PKNOX2: variants seen among roughly 807,000 people sequenced by gnomAD.
PKNOX2 encodes PBX/knotted 1 homeobox 2.
Under a neutral mutation model 53.1 loss-of-function variants are expected in PKNOX2, and 14 were observed. The observed-to-expected ratio is 0.26, with a 90% CI of 0.17 to 0.41. PKNOX2 has a LOEUF of 0.41. Among genes scored for constraint, PKNOX2 ranks in the 10% least tolerant of loss-of-function variants. PKNOX2 has a pLI of 1.00. For synonymous variants in PKNOX2, 257 were observed against 242.8 expected (o/e 1.06, Z -0.54); for missense variants, 496 against 602.8 (o/e 0.82, Z 1.85).
chr11:125,309,212 T>TCCTTCC (rs1364500581), intron 2 of PKNOX2, among the ~76,000 whole-genome samples: 2 of 148,848 alleles, frequency 1.3e-5, no homozygotes, highest in African/African-American at 5.0e-5. Context: ...CTTCCTTCCT[T>TCCTTCC]TCTCTCTCTC....
intron 2 of PKNOX2, among the ~76,000 whole-genome samples, chr11:125,293,150 C>A (rs556682154): frequency 6.6e-6 from 1 of 151,898 alleles, no homozygotes; most frequent in African/African-American, 2.4e-5. Context: ...GTGGGGTGGA[C>A]GAATGGGGGA....
intron 7 of PKNOX2, 76 bp from the exon 8 acceptor site, chr11:125,410,120 A>G: frequency 6.5e-7 from 1 of 1,547,040 alleles, no homozygotes; most frequent in South Asian, 1.2e-5. Context: ...AGGGGAAAGG[A>G]CGGAAGAGGA....
chr11:125,340,024 G>A (rs757058284), intron 3 of PKNOX2, among the ~76,000 whole-genome samples: 4 of 152,090 alleles, frequency 2.6e-5, no homozygotes, highest in Non-Finnish European at 2.9e-5. Flanking sequence ...ACTTCTTATC[G>A]CTGGGATCAG....
chr11:125,186,186 T>C (rs1956439183), intron 1 of PKNOX2, among the ~76,000 whole-genome samples: 1 of 152,228 alleles, frequency 6.6e-6, no homozygotes, highest in Non-Finnish European at 1.5e-5. Context: ...CATTTGTATA[T>C]CTTTTTTGGA....
chr11:125,386,929 C>T (rs903182862), intron 6 of PKNOX2, among the ~76,000 whole-genome samples: 1 of 152,144 alleles, frequency 6.6e-6, no homozygotes, highest in African/African-American at 2.4e-5. Flanking sequence ...GTTTGAAGAG[C>T]AGAGGAGGCC....
At chr11:125,198,609 A>C (rs1476110588) in intron 1 of PKNOX2, among the ~76,000 whole-genome samples, 1 of 152,262 alleles carries the variant, frequency 6.6e-6, no homozygotes, top group East Asian at 1.9e-4. Context: ...GCTCATTCTT[A>C]CGTACACTTC....
chr11:125,183,831 A>T (rs533170632), intron 1 of PKNOX2, among the ~76,000 whole-genome samples: 1 of 152,274 alleles, frequency 6.6e-6, no homozygotes, highest in African/African-American at 2.4e-5. Context: ...TGCTCAATGA[A>T]TGGAGTGTTC....
intron 2 of PKNOX2, among the ~76,000 whole-genome samples, chr11:125,314,571 G>T (rs1028201288): frequency 3.9e-5 from 6 of 152,150 alleles, no homozygotes; most frequent in African/African-American, 1.4e-4. Flanking sequence ...TGCAGTCAGT[G>T]GGGAGGGGAC....
At chr11:125,291,703 T>C (rs1947313463) in intron 2 of PKNOX2, among the ~76,000 whole-genome samples, 1 of 152,240 alleles carries the variant, frequency 6.6e-6, no homozygotes, top group Admixed American at 6.5e-5. Flanking sequence ...AAATGAGGTC[T>C]ATCCATACAG....
intron 3 of PKNOX2, among the ~76,000 whole-genome samples, chr11:125,338,696 C>T (rs945043982): frequency 1.3e-5 from 2 of 152,184 alleles, no homozygotes; most frequent in Admixed American, 6.5e-5. Context: ...GATTAGTAAC[C>T]GTTCTAAGCA....
intron 9 of PKNOX2, 22 bp downstream of exon 9, chr11:125,410,898 C>T: frequency 1.9e-6 from 3 of 1,599,590 alleles, no homozygotes; most frequent in Non-Finnish European, 2.6e-6. Context: ...TAGGTGTGTG[C>T]ACATGTGCAT....
At chr11:125,196,950 C>T (rs1350761539) in intron 1 of PKNOX2, among the ~76,000 whole-genome samples, 1 of 152,190 alleles carries the variant, frequency 6.6e-6, no homozygotes, top group East Asian at 1.9e-4. Context: ...TCCCTGGGAT[C>T]ACTGGATTTT....
chr11:125,214,523 G>A (rs1246024554), intron 1 of PKNOX2, among the ~76,000 whole-genome samples: 1 of 152,040 alleles, frequency 6.6e-6, no homozygotes, highest in African/African-American at 2.4e-5. Context: ...AAAAGGAAAG[G>A]CTCCTCCACC....
chr11:125,189,417 G>A (rs1565465038), intron 1 of PKNOX2, among the ~76,000 whole-genome samples: 9 of 46,570 alleles, frequency 1.9e-4, no homozygotes, highest in African/African-American at 4.4e-4. Context: ...ATATATATGT[G>A]TGTGTGTGTG....
At chr11:125,347,510 T>C (rs750228510) in intron 3 of PKNOX2, among the ~76,000 whole-genome samples, 13 of 152,124 alleles carry the variant, frequency 8.5e-5, no homozygotes, top group Non-Finnish European at 1.8e-4. Flanking sequence ...CACACTGGAT[T>C]TGGGGCTCCA....
intron 1 of PKNOX2, among the ~76,000 whole-genome samples, chr11:125,191,786 T>A (rs1956893466): frequency 6.6e-6 from 1 of 152,194 alleles, no homozygotes; most frequent in Admixed American, 6.5e-5. Flanking sequence ...GAAACCTGAC[T>A]GCACTGGCGT....
At chr11:125,237,299 C>A (rs1274302434) in intron 2 of PKNOX2, among the ~76,000 whole-genome samples, 3 of 152,200 alleles carry the variant, frequency 2.0e-5, no homozygotes, top group African/African-American at 4.8e-5. Flanking sequence ...CAAAGGCAAG[C>A]AGCATCATAG....
intron 2 of PKNOX2, among the ~76,000 whole-genome samples, chr11:125,329,305 T>C (rs1187461692): frequency 6.6e-6 from 1 of 152,260 alleles, no homozygotes; most frequent in East Asian, 1.9e-4. Context: ...CTGTAGCTTA[T>C]ATTTGTATTG....
Position 125,303,060 on chromosome 11 carries a change from C to A in PKNOX2, c.-129-28759C>A, listed in dbSNP as rs1331832496. Among the ~76,000 whole-genome samples the A allele has an allele frequency of 2.0e-5, 3 of 152,108 alleles. No homozygotes were observed. In the South Asian group the frequency reaches 6.2e-4, roughly 32 times the overall value. On this transcript the variant is annotated intron_variant, in intron 2 of 12. Coordinates refer to ENST00000298282, the MANE Select transcript of PKNOX2 (RefSeq NM_001382323.2). ...CTATTCCTCCATGTCCCCAGGAGCT[C>A]TTCTTGCTGTTCCCATGCTGGGTGC... is the stretch of plus-strand genomic sequence containing the variant.
Sources: gnomAD v4.1 joint callset for allele counts (sites outside exome capture counted in the v4.1 genomes callset) on GRCh38, gnomAD v4.1.1 for gene constraint, MANE v1.5 for transcripts, NCBI Gene and HGNC (gene_info 2026-07-23, HGNC 2026-07-21) for gene names.